Variants in SARS1 observed in about 807,000 individuals in gnomAD.
SARS1 encodes serine--tRNA ligase, cytoplasmic.
Under a neutral mutation model 63.7 loss-of-function variants are expected in SARS1, and 25 were observed. The observed-to-expected ratio is 0.39, with a 90% CI of 0.29 to 0.55. SARS1 has a LOEUF of 0.55. SARS1 is among the 20% of genes least tolerant of loss of function. The pLI is 0.62. For missense variants in SARS1, 417 were observed against 649.7 expected, an observed-to-expected ratio of 0.64 and a Z score of 3.89; for synonymous variants, 231 against 243.5, an observed-to-expected ratio of 0.95 and a Z score of 0.48.
At chr1:109,223,862 C>A in intron 1 of SARS1, 116 bp from the exon 2 acceptor site, 1 of 753,884 alleles carries the variant, frequency 1.3e-6, no homozygotes, top group Non-Finnish European at 2.4e-6. Flanking sequence ...GATCCTTCAG[C>A]TCTGCCGGCA....
rs1184432834 is a variant in SARS1 at position 109,236,542 on chromosome 1, G to A, written c.1251G>A (p.Met417Ile). The A allele has an allele frequency of 1.9e-6, 3 of 1,601,262 alleles. No homozygotes were observed. Among genetic ancestry groups the A allele is most frequent in the South Asian group, 1.1e-5 (1 of 90,864 alleles). ...RIRYGQTKKM[M>I]DKVEFVHMLN... ...GATATGGGCAAACCAAGAAGATGAT[G>A]GACAAGGTAGATGGCCCCCAGGGAG... Residue 417 changes from methionine to isoleucine, a missense_variant, in exon 9 of 11, where the codon ATG (methionine) becomes ATA (isoleucine). By Grantham distance (10) the Met-to-Ile change is conservative (BLOSUM62 1). Transcript: ENST00000234677.
chr1:109,221,302 G>A (rs1277928), intron 1 of SARS1, among the ~76,000 whole-genome samples: 20,987 of 151,918 alleles, frequency 0.14, 1,839 homozygotes, highest in African/African-American at 0.22. Flanking sequence ...CTCATGATCC[G>A]CCCGCCTCGG....
chr1:109,224,073 C>T, intron 2 of SARS1, 25 bp downstream of exon 2: 1 of 1,540,572 alleles, frequency 6.5e-7, no homozygotes, highest in Non-Finnish European at 9.0e-7. Context: ...TAACAAACAG[C>T]CATGAGAACT....
At chr1:109,233,613 T>A (rs1301808495) in intron 6 of SARS1, among the ~76,000 whole-genome samples, 1 of 152,124 alleles carries the variant, frequency 6.6e-6, no homozygotes, top group East Asian at 1.9e-4. Context: ...ATTTTTTTCA[T>A]ATATATGTTG....
chr1:109,224,560 T>C (rs1655024932), intron 2 of SARS1, among the ~76,000 whole-genome samples: 1 of 152,150 alleles, frequency 6.6e-6, no homozygotes, highest in Non-Finnish European at 1.5e-5. Context: ...GCAATGGTTA[T>C]GGATAGAACT....
At chr1:109,219,721 G>A (rs1407758819) in intron 1 of SARS1, among the ~76,000 whole-genome samples, 1 of 152,004 alleles carries the variant, frequency 6.6e-6, no homozygotes, top group Non-Finnish European at 1.5e-5. Context: ...CACCATGTTA[G>A]CCAGGATGGT....
chr1:109,214,318 A>C lies in SARS1; in HGVS notation c.136+190A>C, dbSNP rs897926354. ...CCGGGGTCATCCCACTTTCTCCTCC[A>C]CCCGGGCGGAGCGAGGTCCCTTCCA... On this transcript the variant is annotated intron_variant, in intron 1 of 10. Coordinates refer to ENST00000234677, the MANE Select transcript of SARS1 (RefSeq NM_006513.4). This position sits in a 1 kb window ranked among gnomAD's most constrained non-coding sequence, Gnocchi z 4.6. Among the ~76,000 whole-genome samples, 3 of 151,780 alleles carry C rather than the reference A, an allele frequency of 2.0e-5. No individual in the cohort carries two copies. Among genetic ancestry groups the C allele is most frequent in the Admixed American group, 1.3e-4 (2 of 15,244 alleles).
At chr1:109,221,970 GTATATATATATATA>G (rs773937466) in intron 1 of SARS1, among the ~76,000 whole-genome samples, 1,417 of 27,920 alleles carry the variant, frequency 0.051, 134 homozygotes, top group Non-Finnish European at 0.058. Flanking sequence ...TTGTGTGTGT[GTATATATATATATA>G]TATATATATA....
At chr1:109,220,185 T>A (rs1406577069) in intron 1 of SARS1, among the ~76,000 whole-genome samples, 1 of 152,254 alleles carries the variant, frequency 6.6e-6, no homozygotes, top group Non-Finnish European at 1.5e-5. Flanking sequence ...TACATTCTTA[T>A]GTGTGTCTTT....
intron 1 of SARS1, among the ~76,000 whole-genome samples, chr1:109,221,217 C>T (rs1322850742): frequency 6.6e-6 from 1 of 151,990 alleles, no homozygotes; most frequent in African/African-American, 2.4e-5. Context: ...CGTGCCACCA[C>T]GCCCAGCTAA....
At chr1:109,233,036 T>C (rs1655239575) in intron 6 of SARS1, among the ~76,000 whole-genome samples, 1 of 152,204 alleles carries the variant, frequency 6.6e-6, no homozygotes, top group South Asian at 2.1e-4. Context: ...CGCTGCCTAA[T>C]AGAACTTTCT....
In SARS1 at chr1:109,213,966, C is replaced by T; in HGVS notation, c.-27C>T. 1 of 1,598,564 alleles carries T rather than the reference C, an allele frequency of 6.3e-7. No homozygotes were observed. Among genetic ancestry groups the T allele is most frequent in the South Asian group, 1.1e-5 (1 of 89,622 alleles). On this transcript the variant is annotated 5_prime_UTR_variant, in exon 1 of 11. Transcript: ENST00000234677. Reference sequence around the variant, plus strand: ...GTGCTGCGGCGCGATCCTTGCTTCCCTGAGCGTTGGCCCGGGAGGAAAGAA... The same window carrying T: ...GTGCTGCGGCGCGATCCTTGCTTCCTTGAGCGTTGGCCCGGGAGGAAAGAA...
chr1:109,213,911 C>A, upstream of SARS1: 1 of 1,475,798 alleles, frequency 6.8e-7, no homozygotes, highest in Non-Finnish European at 9.0e-7. Context: ...CGGGTCAGCG[C>A]GCCGGCGCAG....
chr1:109,227,977 A>G (rs1655127666), intron 2 of SARS1, among the ~76,000 whole-genome samples: 1 of 151,408 alleles, frequency 6.6e-6, no homozygotes, highest in Non-Finnish European at 1.5e-5. Flanking sequence ...CTTGCTCCTG[A>G]GCACTGCACT....
chr1:109,222,586 G>A (rs780861085), intron 1 of SARS1, among the ~76,000 whole-genome samples: 4 of 152,216 alleles, frequency 2.6e-5, no homozygotes, highest in Non-Finnish European at 4.4e-5. Flanking sequence ...AAGTGAATGA[G>A]AAAATAGTGA....
intron 6 of SARS1, among the ~76,000 whole-genome samples, chr1:109,233,854 C>T (rs1323202470): frequency 7.4e-6 from 1 of 134,902 alleles, no homozygotes; most frequent in Non-Finnish European, 1.6e-5. Flanking sequence ...CGCCACCACA[C>T]CTGGCTAATT....
intron 1 of SARS1, chr1:109,215,220 C>G (rs186567694): frequency 1.3e-4 from 131 of 985,434 alleles, no homozygotes; most frequent in Admixed American, 3.1e-4. Flanking sequence ...AGATTCCACA[C>G]TTGACCTGAA....
chr1:109,232,516 TAG>T (rs1655230219), intron 6 of SARS1, among the ~76,000 whole-genome samples: 1 of 152,224 alleles, frequency 6.6e-6, no homozygotes, highest in South Asian at 2.1e-4. Flanking sequence ...ACAGTGGAGG[TAG>T]AGTTAGACAA....
Position 109,226,732 on chromosome 1 carries a change from ATATATATT to A in SARS1, c.208-1616_208-1609del, listed in dbSNP as rs1321533923. Among the ~76,000 whole-genome samples the A allele has an allele frequency of 4.0e-4, 20 of 50,270 alleles. 1 individual carries two copies. Among genetic ancestry groups the A allele is most frequent in the African/African-American group, 8.6e-4 (19 of 22,136 alleles). The allele number at this position is 50,270 out of a possible 152,430, so 33.0% of individuals were successfully genotyped here. On this transcript the variant is annotated intron_variant, in intron 2 of 10. Transcript: ENST00000234677. ...CACACACACACACACACACACATATATATATATTTATTTATTTATTTATTTATTTATAT... is the reference window on the plus strand; with the variant it reads ...CACACACACACACACACACACATATATATTTATTTATTTATTTATTTATAT...
Sources: allele counts gnomAD v4.1 joint callset (sites outside exome capture counted in the v4.1 genomes callset), GRCh38; gene constraint gnomAD v4.1.1; non-coding constraint Gnocchi (gnomAD v3.1); transcripts MANE v1.5; gene names NCBI Gene and HGNC (gene_info 2026-07-23, HGNC 2026-07-21).